The following TMEM63B variants were observed in gnomAD, a reference collection of about 807,000 sequenced individuals.
TMEM63B encodes the protein transmembrane protein 63B, also known as mechanosensitive cation channel TMEM63B.
Under a neutral mutation model 102.6 loss-of-function variants are expected in TMEM63B, and 23 were observed. The observed-to-expected ratio is 0.22, with a 90% confidence interval of 0.16 to 0.32. The LOEUF (loss-of-function observed/expected upper bound fraction) is 0.32, where lower values mean the gene tolerates loss of function less well. Ranked by LOEUF, TMEM63B falls within the 10% of genes least tolerant of loss-of-function variation. The probability of loss-of-function intolerance (pLI) is 1.00; values close to 1 mark genes in which losing one functional copy is unlikely to be tolerated. For missense variants in TMEM63B, 628 were observed against 1,095.9 expected (o/e 0.57, Z 6.03); for synonymous variants, 444 against 437.0 (o/e 1.02, Z -0.20).
chr6:44,135,479 C>G (rs1762759415), intron 4 of TMEM63B, 113 bp downstream of exon 4: 1 of 1,334,884 alleles, frequency 7.5e-7, no homozygotes, highest in Non-Finnish European at 1.0e-6. Context: ...GTTTTCTCCT[C>G]TGCAGGCTCA....
intron 21 of TMEM63B, 46 bp downstream of exon 21, chr6:44,153,889 A>T (rs1237887925): frequency 6.3e-7 from 1 of 1,595,160 alleles, no homozygotes; most frequent in East Asian, 2.2e-5. Flanking sequence ...AGCAGAGTGG[A>T]TTCCAGCCAG....
At chr6:44,142,360 T>A (rs919170588) in intron 10 of TMEM63B, among the ~76,000 whole-genome samples, 3 of 150,694 alleles carry the variant, frequency 2.0e-5, no homozygotes, top group African/African-American at 7.3e-5. Flanking sequence ...TGAAACCTTG[T>A]CTCTACTGAA....
At chr6:44,147,301 G>T in intron 11 of TMEM63B, 76 bp from the exon 12 acceptor site, 1 of 1,609,628 alleles carries the variant, frequency 6.2e-7, no homozygotes, top group South Asian at 1.1e-5. Flanking sequence ...CTGTCCTTGG[G>T]GAGTGAGCTA....
intron 2 of TMEM63B, 84 bp downstream of exon 2, chr6:44,134,827 A>T: frequency 6.7e-7 from 1 of 1,491,248 alleles, no homozygotes. Context: ...CCACTCTCCC[A>T]CCTGCCCCGG....
rs1411089037 is a variant in TMEM63B at position 44,154,368 on chromosome 6, G to C, written c.2230G>C (p.Glu744Gln). 1 of 1,613,854 alleles carries C rather than the reference G, an allele frequency of 6.2e-7. No individual in the cohort carries two copies. The highest frequency in any genetic ancestry group is 8.5e-7 in the Non-Finnish European group (1 of 1,179,952). ...KYLSAHNYKI[E>Q]HTETDTVDPR... ...GACTCATTCTGGGCCCCTCAAGATT[G>C]AGCACACGGAGACAGATACTGTGGA... Residue 744 changes from glutamate to glutamine, a missense_variant, in exon 23 of 24, where the codon GAG (glutamate) becomes CAG (glutamine). Coordinates refer to ENST00000323267, the MANE Select transcript of TMEM63B (RefSeq NM_018426.3).
At chr6:44,136,302 G>T in intron 4 of TMEM63B, 47 bp from the exon 5 acceptor site, 1 of 1,553,342 alleles carries the variant, frequency 6.4e-7, no homozygotes, top group South Asian at 1.1e-5. Flanking sequence ...CTTCCCGGGG[G>T]CTCAGACTCA....
intron 10 of TMEM63B, among the ~76,000 whole-genome samples, chr6:44,142,358 T>C (rs2096200): frequency 0.35 from 51,778 of 149,872 alleles, 9,192 homozygotes; most frequent in Middle Eastern, 0.41. Flanking sequence ...GGTGAAACCT[T>C]GTCTCTACTG....
intron 10 of TMEM63B, 98 bp from the exon 11 acceptor site, chr6:44,146,749 C>A: frequency 8.0e-7 from 1 of 1,242,750 alleles, no homozygotes; most frequent in Non-Finnish European, 1.2e-6. Flanking sequence ...CCACGTCCAG[C>A]CAGAGATGTG....
chr6:44,154,041 T>C (rs536765327), intron 21 of TMEM63B, 32 bp from the exon 22 acceptor site: 86 of 1,604,022 alleles, frequency 5.4e-5, no homozygotes, highest in East Asian at 2.2e-4. Flanking sequence ...CCACAGGAGA[T>C]AGCAACCCCA....
At chr6:44,142,413 T>G (rs1266650133) in intron 10 of TMEM63B, among the ~76,000 whole-genome samples, 2 of 151,596 alleles carry the variant, frequency 1.3e-5, no homozygotes, top group African/African-American at 4.8e-5. Context: ...ACCAGTAGTC[T>G]CAGCTACTCA....
chr6:44,142,445 G>A (rs967626567), intron 10 of TMEM63B, among the ~76,000 whole-genome samples: 23 of 152,010 alleles, frequency 1.5e-4, no homozygotes, highest in Admixed American at 6.6e-4. Context: ...CAGAAGAATC[G>A]CTTGAACCCA....
At chr6:44,139,370 TG>T in intron 6 of TMEM63B, 96 bp from the exon 7 acceptor site, 1 of 1,448,404 alleles carries the variant, frequency 6.9e-7, no homozygotes, top group South Asian at 1.3e-5. Flanking sequence ...GGAGCTAGGG[TG>T]GGTTTGGGGT....
intron 10 of TMEM63B, among the ~76,000 whole-genome samples, chr6:44,142,814 C>A (rs140503336): frequency 5.3e-4 from 81 of 152,206 alleles, no homozygotes; most frequent in Admixed American, 1.1e-3. Context: ...AGTTTAAGAC[C>A]AGCCTGGACA....
intron 12 of TMEM63B, 68 bp downstream of exon 12, chr6:44,147,568 C>T: frequency 6.3e-7 from 1 of 1,578,096 alleles, no homozygotes; most frequent in Non-Finnish European, 8.6e-7. Context: ...GGCTGGGGCC[C>T]TGCCCTCAGT....
intron 1 of TMEM63B, among the ~76,000 whole-genome samples, chr6:44,133,271 T>G (rs1050906202): frequency 6.6e-6 from 1 of 152,150 alleles, no homozygotes; most frequent in Admixed American, 6.5e-5. Context: ...CTCCCCTCCA[T>G]CTGAGGGCTT....
At chr6:44,149,133 C>T (rs1257291565) in intron 15 of TMEM63B, 188 bp downstream of exon 15, 5 of 776,032 alleles carry the variant, frequency 6.4e-6, no homozygotes, top group Non-Finnish European at 8.4e-6. Flanking sequence ...TGAGAGAGGC[C>T]ACCCTCAGGT....
Position 44,154,919 on chromosome 6 carries a change from C to T in TMEM63B, c.*36C>T. 1.4e-6 allele frequency: 2 copies of T among 1,472,692 alleles called. No homozygotes were observed. The highest frequency in any genetic ancestry group is 1.8e-6 in the Non-Finnish European group (2 of 1,109,192). 91.2% of individuals were successfully genotyped at this position (1,472,692 alleles called of 1,614,324 possible). The stretch of plus-strand genomic sequence containing the variant: ...GGGCCCTGGAGGCCACATCCTGCCC[C>T]ACCCCACCCCCACTCCCACGGACAC... On this transcript the variant is annotated 3_prime_UTR_variant, in exon 24 of 24. Coordinates refer to ENST00000323267, the MANE Select transcript of TMEM63B (RefSeq NM_018426.3).
intron 5 of TMEM63B, chr6:44,138,229 G>T: frequency 2.8e-6 from 1 of 362,952 alleles, no homozygotes; most frequent in Non-Finnish European, 5.3e-6. Context: ...GCAGAAATCT[G>T]TAGATCTGGA....
At chr6:44,129,040 C>T (rs1283033929) in intron 1 of TMEM63B, among the ~76,000 whole-genome samples, 3 of 152,226 alleles carry the variant, frequency 2.0e-5, no homozygotes, top group African/African-American at 7.2e-5. Context: ...TACTATTCTT[C>T]AGCTGTGTGA....
Sources: allele counts gnomAD v4.1 joint callset (sites outside exome capture counted in the v4.1 genomes callset), GRCh38; gene constraint gnomAD v4.1.1; transcripts MANE v1.5; gene names NCBI Gene and HGNC (gene_info 2026-07-23, HGNC 2026-07-21).